The following TFG variants were observed in gnomAD, a reference collection of about 807,000 sequenced individuals.
TFG encodes the protein protein TFG.
In TFG, 22 loss-of-function variants were observed where a neutral mutation model predicts 51.4. The ratio of observed to expected loss-of-function variants is 0.43; its 90% CI spans 0.31 to 0.61. TFG has a LOEUF of 0.61. TFG is among the 20% of genes least tolerant of loss of function. The pLI, the probability that TFG is intolerant of heterozygous loss-of-function variation, is 0.12. For synonymous variants in TFG, 187 were observed against 165.6 expected (o/e 1.13, Z -0.99); for missense variants, 419 against 487.7 (o/e 0.86, Z 1.33).
chr3:100,724,516 C>A (rs942894659), intron 3 of TFG, among the ~76,000 whole-genome samples: 2 of 152,050 alleles, frequency 1.3e-5, no homozygotes, highest in African/African-American at 4.8e-5. Flanking sequence ...ATTGGGCCAA[C>A]TATTTTACCA....
chr3:100,725,203 G>A (rs2095071811), intron 3 of TFG, among the ~76,000 whole-genome samples: 1 of 152,042 alleles, frequency 6.6e-6, no homozygotes, highest in Admixed American at 6.5e-5. Context: ...ACCACGCCTG[G>A]CCAAAAGGGA....
intron 3 of TFG, among the ~76,000 whole-genome samples, chr3:100,727,384 A>G (rs974174342): frequency 1.3e-5 from 2 of 150,996 alleles, no homozygotes; most frequent in African/African-American, 2.4e-5. Flanking sequence ...GTTTTCTTCT[A>G]AAAGCTTATA....
At chr3:100,714,962 T>C (rs2095041611) in intron 2 of TFG, among the ~76,000 whole-genome samples, 1 of 152,212 alleles carries the variant, frequency 6.6e-6, no homozygotes, top group Non-Finnish European at 1.5e-5. Flanking sequence ...ATATCTCTGC[T>C]GAAATTTTCT....
chr3:100,725,792 C>CAA (rs199852969), intron 3 of TFG, among the ~76,000 whole-genome samples: 3 of 151,136 alleles, frequency 2.0e-5, no homozygotes, highest in Admixed American at 1.3e-4. Flanking sequence ...GACTCTGTCT[C>CAA]AAAAAAAATA....
intron 4 of TFG, among the ~76,000 whole-genome samples, chr3:100,730,803 C>CA (rs1434264597): frequency 7.2e-5 from 11 of 152,162 alleles, no homozygotes; most frequent in Non-Finnish European, 1.6e-4. Context: ...GCTAATGGAG[C>CA]AAGTAGTAGG....
intron 5 of TFG, 63 bp downstream of exon 5, chr3:100,732,735 C>T (rs1447449630): frequency 1.5e-6 from 2 of 1,362,902 alleles, no homozygotes; most frequent in Non-Finnish European, 2.0e-6. Flanking sequence ...CTTCCCTTTC[C>T]TTCTTTCTTT....
chr3:100,739,076 C>T (rs1016412095), intron 6 of TFG, among the ~76,000 whole-genome samples: 24 of 152,026 alleles, frequency 1.6e-4, no homozygotes, highest in African/African-American at 3.6e-4. Flanking sequence ...TAAATATAGT[C>T]GTTATTTATA....
At chr3:100,743,845 CAT>C (rs1477645232) in intron 6 of TFG, 7 of 151,214 alleles carry the variant, frequency 4.6e-5, no homozygotes, top group Non-Finnish European at 7.4e-5. Context: ...CTGGTTTGCT[CAT>C]AGTCTTTTGA....
intron 7 of TFG, chr3:100,747,288 A>C (rs2149099616): frequency 6.6e-6 from 1 of 152,164 alleles, no homozygotes; most frequent in South Asian, 2.1e-4. Flanking sequence ...TTCATGAGTA[A>C]ATTTTGAACC....
chr3:100,732,784 C>T, intron 5 of TFG, 112 bp downstream of exon 5: 1 of 910,534 alleles, frequency 1.1e-6, no homozygotes, highest in Non-Finnish European at 1.6e-6. Context: ...GTGCACAAAT[C>T]TTAAGGGTTC....
chr3:100,717,431 T>C (rs192776258), intron 2 of TFG, among the ~76,000 whole-genome samples: 4 of 152,344 alleles, frequency 2.6e-5, no homozygotes, highest in Admixed American at 1.3e-4. Flanking sequence ...GTTTTTAAAT[T>C]TTTATGAATA....
At chr3:100,726,905 A>G (rs2095077543) in intron 3 of TFG, among the ~76,000 whole-genome samples, 1 of 152,192 alleles carries the variant, frequency 6.6e-6, no homozygotes, top group Non-Finnish European at 1.5e-5. Flanking sequence ...AATCTTATCT[A>G]GAAGGTGAGA....
intron 5 of TFG, among the ~76,000 whole-genome samples, chr3:100,734,769 G>A (rs2095102024): frequency 6.6e-6 from 1 of 152,044 alleles, no homozygotes; most frequent in South Asian, 2.1e-4. Flanking sequence ...AATTTGATGA[G>A]GTCAGACTTT....
intron 6 of TFG, among the ~76,000 whole-genome samples, chr3:100,740,429 A>G (rs1222909262): frequency 6.6e-6 from 1 of 152,152 alleles, no homozygotes; most frequent in East Asian, 1.9e-4. Context: ...GCTTCACCAG[A>G]ATGAGTAATC....
At chr3:100,741,492 T>TA (rs1021304148) in intron 6 of TFG, among the ~76,000 whole-genome samples, 1 of 152,182 alleles carries the variant, frequency 6.6e-6, no homozygotes, top group African/African-American at 2.4e-5. Flanking sequence ...CAATGTACTT[T>TA]AAGCTAAAGT....
chr3:100,743,310 A>C (rs984457033), intron 6 of TFG: 1 of 152,124 alleles, frequency 6.6e-6, no homozygotes, highest in East Asian at 1.9e-4. Flanking sequence ...TTAAGAGTTC[A>C]TTGTTATGTG....
chr3:100,722,130 G>A (rs1287297868), intron 3 of TFG, among the ~76,000 whole-genome samples: 1 of 152,156 alleles, frequency 6.6e-6, no homozygotes, highest in Non-Finnish European at 1.5e-5. Flanking sequence ...CAGCCTGGGT[G>A]ACAGAGTGAG....
At chr3:100,711,970 G>C (rs551039434) in intron 1 of TFG, among the ~76,000 whole-genome samples, 29 of 152,292 alleles carry the variant, frequency 1.9e-4, no homozygotes, top group African/African-American at 6.5e-4. Flanking sequence ...GTCTTCACGA[G>C]AAGTCCATTG....
At chr3:100,714,425 G>C (rs779839508) in intron 2 of TFG, among the ~76,000 whole-genome samples, 4 of 151,900 alleles carry the variant, frequency 2.6e-5, no homozygotes, top group Non-Finnish European at 4.4e-5. Flanking sequence ...ACTTGAACCC[G>C]GGAGGTGGAG....
Sources: allele counts gnomAD v4.1 joint callset (sites outside exome capture counted in the v4.1 genomes callset), GRCh38; gene constraint gnomAD v4.1.1; transcripts MANE v1.5; gene names NCBI Gene and HGNC (gene_info 2026-07-23, HGNC 2026-07-21).